Variants in CCDC91 observed in about 807,000 individuals in gnomAD.
CCDC91 encodes the protein coiled-coil domain containing 91, also known as coiled-coil domain-containing protein 91.
Under a neutral mutation model 63.2 loss-of-function variants are expected in CCDC91, and 48 were observed. That is an observed-to-expected ratio of 0.76 (90% CI 0.60 to 0.97). CCDC91 has a LOEUF of 0.97. Ranked by LOEUF, CCDC91 falls within the 50% of genes least tolerant of loss-of-function variation. The pLI is 0.00. For missense variants in CCDC91, 500 were observed against 494.6 expected, an observed-to-expected ratio of 1.01 and a Z score of -0.10; for synonymous variants, 167 against 165.8, an observed-to-expected ratio of 1.01 and a Z score of -0.06.
chr12:28,209,791 C>T (rs1244134368), intron 1 of CCDC91, among the ~76,000 whole-genome samples: 1 of 151,616 alleles, frequency 6.6e-6, no homozygotes, highest in Admixed American at 6.6e-5. Context: ...TAATTTTAAA[C>T]AATCCTTTAA....
chr12:28,276,170 T>G (rs1948208782), intron 3 of CCDC91, among the ~76,000 whole-genome samples: 2 of 152,050 alleles, frequency 1.3e-5, no homozygotes, highest in South Asian at 4.1e-4. Context: ...TTTAAAGACA[T>G]TTGGCATCTT....
In CCDC91 at chr12:28,538,085, T is replaced by A. The variant is rs114052145; in HGVS notation, c.1216-10978T>A. Reference sequence around the variant, plus strand: ...TTTTTCTTTTTTTTCTTTTTAGGGGTTTTTTTTAATTTTAGGGTTTTTTTA... The same window carrying A: ...TTTTTCTTTTTTTTCTTTTTAGGGGATTTTTTTAATTTTAGGGTTTTTTTA... On this transcript the variant is annotated intron_variant, in intron 12 of 12. Transcript: ENST00000536442. Among the ~76,000 whole-genome samples, 652 of 149,916 alleles carry A rather than the reference T, an allele frequency of 4.3e-3. 5 individuals carry two copies. Among genetic ancestry groups the A allele is most frequent in the African/African-American group, 0.015 (630 of 40,944 alleles).
At chr12:28,297,181 TGGG>T (rs1157489002) in intron 3 of CCDC91, among the ~76,000 whole-genome samples, 1 of 151,906 alleles carries the variant, frequency 6.6e-6, no homozygotes, top group Non-Finnish European at 1.5e-5. Flanking sequence ...CAGATTTTTT[TGGG>T]GGGTATAGGT....
In CCDC91 at chr12:28,546,342, T is replaced by G. The variant is rs372005520; in HGVS notation, c.1216-2721T>G. Among the ~76,000 whole-genome samples the G allele has an allele frequency of 7.4e-4, 112 of 152,250 alleles. 1 individual carries two copies. In the East Asian group the frequency reaches 0.016, roughly 21 times the overall value. On this transcript the variant is annotated intron_variant, in intron 12 of 12. Coordinates refer to ENST00000536442, the MANE Select transcript of CCDC91 (RefSeq NM_018318.5). ...CAGTTTTCTTACAAATGCCCACTAATTTATATTCTTCTGAAATATTTTATA... is the reference window on the plus strand; with the variant it reads ...CAGTTTTCTTACAAATGCCCACTAAGTTATATTCTTCTGAAATATTTTATA...
At chr12:28,511,319 C>T (rs929833604) in intron 12 of CCDC91, among the ~76,000 whole-genome samples, 3 of 151,878 alleles carry the variant, frequency 2.0e-5, no homozygotes, top group Admixed American at 6.6e-5. Flanking sequence ...CACGGCATTC[C>T]CATACATGAA....
intron 8 of CCDC91, among the ~76,000 whole-genome samples, chr12:28,407,981 TTTTAC>T (rs1947071889): frequency 6.6e-6 from 1 of 150,812 alleles, no homozygotes; most frequent in Non-Finnish European, 1.5e-5. Context: ...TTATTTTTTA[TTTTAC>T]TTTAAGTTCT....
At chr12:28,320,042 T>C (rs1940323785) in intron 6 of CCDC91, among the ~76,000 whole-genome samples, 1 of 152,022 alleles carries the variant, frequency 6.6e-6, no homozygotes, top group Middle Eastern at 3.4e-3. Context: ...ATGACCTCTT[T>C]TGATCTACGC....
intron 1 of CCDC91, among the ~76,000 whole-genome samples, chr12:28,209,360 C>T (rs1485852844): frequency 1.3e-5 from 2 of 152,198 alleles, no homozygotes; most frequent in African/African-American, 4.8e-5. Flanking sequence ...TATGGAAAAG[C>T]TGAAAAATAC....
chr12:28,220,661 G>GA lies in CCDC91; in HGVS notation c.-15+30030dup, dbSNP rs201800994. Among the ~76,000 whole-genome samples the GA allele has an allele frequency of 2.6e-3, 386 of 149,020 alleles. 1 individual carries two copies. Among genetic ancestry groups the GA allele is most frequent in the Admixed American group, 3.7e-3 (56 of 14,962 alleles). On this transcript the variant is annotated intron_variant, in intron 1 of 12. Transcript: ENST00000536442. ...TAATTCTCTTACCCTTTGTTTATCT[G>GA]AAAAAAAAAATTCCTCTTCAATTTT... is the stretch of plus-strand genomic sequence containing the variant.
At chr12:28,472,078 T>C (rs1950848117) in intron 11 of CCDC91, among the ~76,000 whole-genome samples, 1 of 152,174 alleles carries the variant, frequency 6.6e-6, no homozygotes, top group African/African-American at 2.4e-5. Context: ...GATCATGTCT[T>C]AAGTGGCCTT....
intron 1 of CCDC91, among the ~76,000 whole-genome samples, chr12:28,248,579 A>T (rs1250727106): frequency 6.6e-6 from 1 of 152,214 alleles, no homozygotes; most frequent in Non-Finnish European, 1.5e-5. Context: ...GCATGAAGTG[A>T]GAAGTGTTTT....
At chr12:28,257,846 G>A (rs1450565892) in intron 2 of CCDC91, among the ~76,000 whole-genome samples, 8 of 151,546 alleles carry the variant, frequency 5.3e-5, no homozygotes, top group African/African-American at 1.9e-4. Context: ...TATGGAGCCA[G>A]TATAGTCTTG....
At chr12:28,547,058 A>G (rs1441475544) in intron 12 of CCDC91, among the ~76,000 whole-genome samples, 1 of 152,106 alleles carries the variant, frequency 6.6e-6, no homozygotes, top group African/African-American at 2.4e-5. Context: ...AATGAAATAA[A>G]GTGATTGTGT....
At chr12:28,196,485 A>G (rs1199210346) in intron 1 of CCDC91, among the ~76,000 whole-genome samples, 1 of 152,142 alleles carries the variant, frequency 6.6e-6, no homozygotes, top group Non-Finnish European at 1.5e-5. Flanking sequence ...TGCTAATGTT[A>G]ACTAGAACAA....
chr12:28,425,727 G>C (rs1052987290), intron 8 of CCDC91, among the ~76,000 whole-genome samples: 1 of 152,156 alleles, frequency 6.6e-6, no homozygotes, highest in African/African-American at 2.4e-5. Flanking sequence ...CTTAAGCAGT[G>C]GTTCTCAAAG....
At chr12:28,287,173 TAATA>T (rs556903039) in intron 3 of CCDC91, among the ~76,000 whole-genome samples, 50 of 152,178 alleles carry the variant, frequency 3.3e-4, no homozygotes, top group Non-Finnish European at 8.8e-5. Context: ...TATACTGTAT[TAATA>T]CTTTCTTTTG....
chr12:28,494,881 G>A (rs890639871), intron 12 of CCDC91, among the ~76,000 whole-genome samples: 3 of 151,674 alleles, frequency 2.0e-5, no homozygotes, highest in African/African-American at 7.3e-5. Flanking sequence ...GTCTGATTAG[G>A]TCTCTTATAA....
chr12:28,544,945 G>T (rs1942883466), intron 12 of CCDC91, among the ~76,000 whole-genome samples: 1 of 151,992 alleles, frequency 6.6e-6, no homozygotes, highest in African/African-American at 2.4e-5. Flanking sequence ...AAAAATTTTA[G>T]TAAGTAGTAT....
At chr12:28,477,483 A>G (rs147350734) in intron 11 of CCDC91, among the ~76,000 whole-genome samples, 3,732 of 152,140 alleles carry the variant, frequency 0.025, 72 homozygotes, top group Non-Finnish European at 0.037. Context: ...AATAAGAGCT[A>G]TTTATGACAA....
Sources: allele counts gnomAD v4.1 joint callset (sites outside exome capture counted in the v4.1 genomes callset), GRCh38; gene constraint gnomAD v4.1.1; transcripts MANE v1.5; gene names NCBI Gene and HGNC (gene_info 2026-07-23, HGNC 2026-07-21).